The following UTRN variants were observed in gnomAD, a reference collection of about 807,000 sequenced individuals.
The protein encoded by UTRN is utrophin.
A neutral mutation model predicts 463.9 loss-of-function variants in UTRN; 283 were observed. That is an observed-to-expected ratio of 0.61 (90% CI 0.55 to 0.67). The LOEUF (loss-of-function observed/expected upper bound fraction) is 0.67, where lower values mean the gene tolerates loss of function less well. Among genes scored for constraint, UTRN ranks in the 30% least tolerant of loss-of-function variants. The probability of loss-of-function intolerance (pLI) is 0.00; values close to 1 mark genes in which losing one functional copy is unlikely to be tolerated. For synonymous variants in UTRN, 1,442 were observed against 1,431.5 expected, an observed-to-expected ratio of 1.01 and a Z score of -0.17; for missense variants, 3,922 against 4,084.3, an observed-to-expected ratio of 0.96 and a Z score of 1.08.
chr6:144,452,796 T>C (rs1322891374), intron 18 of UTRN, among the ~76,000 whole-genome samples: 2 of 150,824 alleles, frequency 1.3e-5, no homozygotes, highest in Non-Finnish European at 3.0e-5. Context: ...AAAAAAAAAT[T>C]TGTGGGGCGT....
chr6:144,824,572 TTATATATATATATATATATATATATATA>T (rs71028314), intron 66 of UTRN, among the ~76,000 whole-genome samples: 17 of 37,920 alleles, frequency 4.5e-4, no homozygotes, highest in Non-Finnish European at 6.3e-4. Flanking sequence ...AGCATTTTAT[TTATATATATATATATATATATATATATA>T]TATATATATA....
At chr6:144,544,750 C>T (rs1393977976) in intron 46 of UTRN, among the ~76,000 whole-genome samples, 1 of 152,078 alleles carries the variant, frequency 6.6e-6, no homozygotes, top group Non-Finnish European at 1.5e-5. Flanking sequence ...CATCAAGCTA[C>T]CTGCGGCTGT....
chr6:144,604,528 A>G (rs1306694139), intron 51 of UTRN, among the ~76,000 whole-genome samples: 1 of 152,188 alleles, frequency 6.6e-6, no homozygotes, highest in Admixed American at 6.5e-5. Flanking sequence ...TCTTTCTATC[A>G]TGAAGAAGTT....
At chr6:144,315,246 T>G (rs1775205808) in intron 2 of UTRN, among the ~76,000 whole-genome samples, 1 of 152,190 alleles carries the variant, frequency 6.6e-6, no homozygotes, top group Admixed American at 6.5e-5. Context: ...AAAAGACATC[T>G]TAAGTTCAAC....
At chr6:144,359,715 GCAT>G (rs1321958112) in intron 2 of UTRN, among the ~76,000 whole-genome samples, 1 of 149,402 alleles carries the variant, frequency 6.7e-6, no homozygotes, top group Non-Finnish European at 1.5e-5. Context: ...CTTTGTCTAC[GCAT>G]CGTTTTTTTT....
At chr6:144,697,044 A>G (rs1784086497) in intron 52 of UTRN, among the ~76,000 whole-genome samples, 1 of 152,070 alleles carries the variant, frequency 6.6e-6, no homozygotes, top group South Asian at 2.1e-4. Context: ...TTTGCATTAC[A>G]TTTTTTAAGA....
chr6:144,301,776 C>T (rs1029156454), intron 2 of UTRN, among the ~76,000 whole-genome samples: 4 of 151,948 alleles, frequency 2.6e-5, no homozygotes, highest in African/African-American at 9.7e-5. Flanking sequence ...CTCAAGTGAA[C>T]CGCCTGCCTT....
chr6:144,624,542 C>T (rs1468197293), intron 51 of UTRN, among the ~76,000 whole-genome samples: 1 of 152,148 alleles, frequency 6.6e-6, no homozygotes, highest in Non-Finnish European at 1.5e-5. Flanking sequence ...GGGGAGGGAA[C>T]ATTTGGAGAT....
At chr6:144,435,431 CT>C (rs1302575740) in intron 9 of UTRN, among the ~76,000 whole-genome samples, 2 of 152,262 alleles carry the variant, frequency 1.3e-5, no homozygotes, top group Admixed American at 6.5e-5. Context: ...GTGTGGCTGT[CT>C]TTTAGTGTCT....
intron 33 of UTRN, among the ~76,000 whole-genome samples, chr6:144,494,998 A>G (rs916368665): frequency 1.1e-4 from 16 of 152,326 alleles, no homozygotes; most frequent in Admixed American, 1.0e-3. Context: ...AGCTAGATAC[A>G]GAGTGCCGAT....
At chr6:144,606,657 A>T (rs1267987138) in intron 51 of UTRN, among the ~76,000 whole-genome samples, 1 of 152,136 alleles carries the variant, frequency 6.6e-6, no homozygotes, top group African/African-American at 2.4e-5. Context: ...AGTATCCAAC[A>T]CTCTCGAATT....
chr6:144,539,331 T>C lies in UTRN; in HGVS notation c.6407T>C (p.Leu2136Pro). The C allele has an allele frequency of 6.2e-7, 1 of 1,612,934 alleles. No homozygotes were observed. Among genetic ancestry groups the C allele is most frequent in the Non-Finnish European group, 8.5e-7 (1 of 1,179,566 alleles). ...TQEMEVHAEK[L>P]KWLNRTELEM... ...GAAATGGAAGTACATGCTGAAAAACTCAAATGGCTGAATAGAACTGAATTG... is the reference window on the plus strand; with the variant it reads ...GAAATGGAAGTACATGCTGAAAAACCCAAATGGCTGAATAGAACTGAATTG... Residue 2136 changes from leucine (L) to proline (P), a missense_variant, in exon 45 of 75, where the codon CTC (leucine) becomes CCC (proline). Coordinates refer to ENST00000367545, the MANE Select transcript of UTRN (RefSeq NM_007124.3).
intron 51 of UTRN, among the ~76,000 whole-genome samples, chr6:144,676,460 G>A (rs1011434853): frequency 6.6e-6 from 1 of 151,718 alleles, no homozygotes; most frequent in Non-Finnish European, 1.5e-5. Context: ...TTTTGTGTGT[G>A]CATAAGCCTG....
At chr6:144,757,841 T>C in intron 57 of UTRN, 88 bp from the exon 58 acceptor site, 1 of 1,224,178 alleles carries the variant, frequency 8.2e-7, no homozygotes, top group Non-Finnish European at 1.2e-6. Context: ...GTTCATTGAA[T>C]TTGCTATAAA....
chr6:144,341,493 A>C (rs947292152), intron 2 of UTRN, among the ~76,000 whole-genome samples: 5 of 152,178 alleles, frequency 3.3e-5, no homozygotes, highest in African/African-American at 1.2e-4. Context: ...AATAATTACT[A>C]TTCTCCCAGT....
intron 65 of UTRN, among the ~76,000 whole-genome samples, chr6:144,812,283 G>C (rs1056392513): frequency 6.6e-6 from 1 of 152,066 alleles, no homozygotes; most frequent in African/African-American, 2.4e-5. Flanking sequence ...CGGTCTTTGG[G>C]GATAATAATA....
chr6:144,511,724 A>G (rs770525464), intron 35 of UTRN, among the ~76,000 whole-genome samples: 1 of 152,174 alleles, frequency 6.6e-6, no homozygotes, highest in Non-Finnish European at 1.5e-5. Context: ...ATTATTAAAT[A>G]TTGTATATGT....
rs1257955547 is a variant in UTRN at position 144,774,230 on chromosome 6, G to A, written c.8558-60G>A. The stretch of plus-strand genomic sequence containing the variant: ...ATCCAAAGTAACCAAATACATTCTG[G>A]GCATTCAATATATATTCAATAATAA... On this transcript the variant is annotated intron_variant, in intron 59 of 74. Transcript: ENST00000367545. The A allele has an allele frequency of 2.8e-6, 4 of 1,422,474 alleles. No individual in the cohort carries two copies. The East Asian group carries it at 9.6e-5, about 34-fold the overall frequency. The allele number at this position is 1,422,474 out of a possible 1,614,324, so 88.1% of individuals were successfully genotyped here.
chr6:144,643,766 C>T (rs1450234951), intron 51 of UTRN, among the ~76,000 whole-genome samples: 1 of 150,414 alleles, frequency 6.6e-6, no homozygotes, highest in Non-Finnish European at 1.5e-5. Flanking sequence ...CATTGCACTC[C>T]AGCCTGGACA....
Sources: gnomAD v4.1 joint callset for allele counts (sites outside exome capture counted in the v4.1 genomes callset) on GRCh38, gnomAD v4.1.1 for gene constraint, MANE v1.5 for transcripts, NCBI Gene and HGNC (gene_info 2026-07-23, HGNC 2026-07-21) for gene names.